Variants in TCF7 observed in about 807,000 individuals in gnomAD.
TCF7 encodes the protein transcription factor 7.
Under a neutral mutation model 46.8 loss-of-function variants are expected in TCF7, and 19 were observed. The observed-to-expected ratio is 0.41, with a 90% CI of 0.28 to 0.60. The LOEUF (loss-of-function observed/expected upper bound fraction) is 0.60. Ranked by LOEUF, TCF7 falls within the 20% of genes least tolerant of loss-of-function variation. TCF7 has a pLI of 0.35. For synonymous variants in TCF7, 245 were observed against 213.4 expected, an observed-to-expected ratio of 1.15 and a Z score of -1.29; for missense variants, 547 against 504.6, an observed-to-expected ratio of 1.08 and a Z score of -0.81.
At chr5:134,134,699 A>G (rs1205693496) in intron 3 of TCF7, among the ~76,000 whole-genome samples, 1 of 152,158 alleles carries the variant, frequency 6.6e-6, no homozygotes, top group African/African-American at 2.4e-5. Flanking sequence ...TCCGTTTTAC[A>G]AGGAGAGAAA....
chr5:134,147,280 A>AGGCTT lies in TCF7; in HGVS notation c.*979_*983dup, dbSNP rs1760820044. On this transcript the variant is annotated 3_prime_UTR_variant, in exon 10 of 10. Coordinates refer to ENST00000342854, the MANE Select transcript of TCF7 (RefSeq NM_003202.5). Reference sequence around the variant, plus strand: ...CACCAGCCTAAGAAGCTCTGGCCCCAGGCTTGTCACTAGCAGCTGCAGTCA... The same window carrying AGGCTT: ...CACCAGCCTAAGAAGCTCTGGCCCCAGGCTTGGCTTGTCACTAGCAGCTGCAGTCA... 1 of 152,274 alleles carries AGGCTT rather than the reference A, an allele frequency of 6.6e-6. No homozygotes were observed. Among genetic ancestry groups the AGGCTT allele is most frequent in the African/African-American group, 2.4e-5 (1 of 41,428 alleles). The allele number at this position is 152,274 out of a possible 1,614,324, so 9.4% of individuals were successfully genotyped here. A position where few individuals can be genotyped will look rare whatever the true frequency, so the allele number is the denominator to read the frequency against.
chr5:134,139,193 G>T, intron 5 of TCF7, 155 bp downstream of exon 5: 1 of 1,229,984 alleles, frequency 8.1e-7, no homozygotes, highest in Non-Finnish European at 1.1e-6. Context: ...TCCTAACCTG[G>T]CTCTGAGCTA....
At chr5:134,118,144 T>C (rs1580795942) in intron 3 of TCF7, among the ~76,000 whole-genome samples, 1 of 152,260 alleles carries the variant, frequency 6.6e-6, no homozygotes, top group African/African-American at 2.4e-5. Flanking sequence ...CCCCACATTT[T>C]AGAAGCATAT....
chr5:134,145,199 G>A (rs1760508333), intron 9 of TCF7: 1 of 587,234 alleles, frequency 1.7e-6, no homozygotes, highest in South Asian at 1.4e-5. Context: ...GGGGCCTGGA[G>A]CCCATTCTAC....
chr5:134,145,620 C>T, intron 9 of TCF7: 2 of 1,012,622 alleles, frequency 2.0e-6, no homozygotes, highest in African/African-American at 1.6e-5. Context: ...TCAGTGTACC[C>T]ACCACACTCC....
chr5:134,108,307 G>T, the TCF7 span, among the ~76,000 whole-genome samples: 1 of 152,212 alleles, frequency 6.6e-6, no homozygotes, highest in Admixed American at 6.5e-5. Context: ...TGGGCAGAAA[G>T]CATTTATTAA....
At position 134,115,997 on chromosome 5, in the gene TCF7, G is replaced by C. The variant is rs760014270; in HGVS notation, c.405G>C (p.Ser135=). Residue 135 remains serine (S), a synonymous_variant, in exon 3 of 10, where the codon TCG becomes TCC. Coordinates refer to ENST00000342854, the MANE Select transcript of TCF7 (RefSeq NM_003202.5). ...FNLLMHYPPP[S]GAGQHPQPQP... ...TGCTCATGCATTACCCACCCCCCTCGGGAGCAGGGCAGCACCCCCAGCCGC... is the reference window on the plus strand; with the variant it reads ...TGCTCATGCATTACCCACCCCCCTCCGGAGCAGGGCAGCACCCCCAGCCGC... 1 of 1,613,426 alleles carries C rather than the reference G, an allele frequency of 6.2e-7. No homozygotes were observed. Among genetic ancestry groups the C allele is most frequent in the African/African-American group, 1.3e-5 (1 of 74,920 alleles).
At chr5:134,144,779 T>C in intron 9 of TCF7, 2 of 1,611,908 alleles carry the variant, frequency 1.2e-6, no homozygotes, top group East Asian at 2.2e-5. Context: ...TCTACCCCTC[T>C]GGCATGGCTG....
chr5:134,116,216 C>T, intron 3 of TCF7, 183 bp downstream of exon 3: 1 of 1,339,568 alleles, frequency 7.5e-7, no homozygotes, highest in African/African-American at 1.5e-5. Context: ...GAAGGAGGGG[C>T]CGCCCTGGGG....
chr5:134,144,715 C>A (rs1760417255), intron 9 of TCF7: 2 of 1,048,974 alleles, frequency 1.9e-6, no homozygotes, highest in South Asian at 1.3e-5. Flanking sequence ...ACTGATGTTA[C>A]CTCTTCTTTC....
chr5:134,142,625 A>T, intron 6 of TCF7, 96 bp from the exon 7 acceptor site: 1 of 1,476,896 alleles, frequency 6.8e-7, no homozygotes, highest in Non-Finnish European at 9.1e-7. Context: ...CTGGTATCAT[A>T]CACTTAGGCA....
intron 9 of TCF7, chr5:134,144,841 C>A (rs1425520114): frequency 6.2e-7 from 1 of 1,614,216 alleles, no homozygotes; most frequent in Admixed American, 1.7e-5. Flanking sequence ...TGGCCTCAAC[C>A]AGCAGACGGA....
rs897109738 is a variant in TCF7 at position 134,114,724 on chromosome 5, G to A, written c.-183G>A. ...TTGATGTTCCGACCCGCCAGCTCGC[G>A]GAGCCGCTCTGCCCCGCGCCCTAGC... On this transcript the variant is annotated 5_prime_UTR_variant, in exon 1 of 10. Coordinates refer to ENST00000342854, the MANE Select transcript of TCF7 (RefSeq NM_003202.5). The A allele has an allele frequency of 2.1e-6, 1 of 469,910 alleles. No homozygotes were observed. The highest frequency in any genetic ancestry group is 2.8e-6 in the Non-Finnish European group (1 of 361,716). 29.1% of individuals were successfully genotyped at this position (469,910 alleles called of 1,614,324 possible). A position where few individuals can be genotyped will look rare whatever the true frequency, so the allele number is the denominator to read the frequency against.
chr5:134,108,703 G>A, the TCF7 span, among the ~76,000 whole-genome samples: 1 of 152,154 alleles, frequency 6.6e-6, no homozygotes, highest in Non-Finnish European at 1.5e-5. Flanking sequence ...TGGAGGAATT[G>A]TCCTAGGTGG....
rs1481833440 is a variant in TCF7, at chr5:134,142,266, C to T, written c.717C>T (p.Pro239=). ...AAIPHPAIVP[P]SGKQELQPFD... ...TCCCCCACCCGGCCATTGTGCCCCCCTCAGGGAAGCAGGAGCTGCAGCCCT... is the reference window on the plus strand; with the variant it reads ...TCCCCCACCCGGCCATTGTGCCCCCTTCAGGGAAGCAGGAGCTGCAGCCCT... The change falls in exon 6 of 10, where the codon CCC becomes CCT. Residue 239 remains proline, a synonymous_variant. Coordinates refer to ENST00000342854, the MANE Select transcript of TCF7 (RefSeq NM_003202.5). 9 of 1,603,050 alleles carry T rather than the reference C, an allele frequency of 5.6e-6. No individual in the cohort carries two copies. In the East Asian group the frequency reaches 1.8e-4, roughly 32 times the overall value.
At chr5:134,138,821 GT>G in intron 4 of TCF7, 129 bp from the exon 5 acceptor site, 1 of 1,405,850 alleles carries the variant, frequency 7.1e-7, no homozygotes, top group South Asian at 1.4e-5. Context: ...GAATAAACTA[GT>G]TTATGTCTGG....
chr5:134,115,792 C>G, intron 2 of TCF7, 117 bp from the exon 3 acceptor site: 1 of 1,544,264 alleles, frequency 6.5e-7, no homozygotes, highest in East Asian at 2.3e-5. Context: ...CCGTTCCTTC[C>G]CAAGTCAGGA....
chr5:134,130,877 C>G (rs1413680116), intron 3 of TCF7, among the ~76,000 whole-genome samples: 3 of 152,180 alleles, frequency 2.0e-5, no homozygotes, highest in Non-Finnish European at 4.4e-5. Flanking sequence ...CTAATACATT[C>G]AATATAAATA....
At chr5:134,135,396 C>CT (rs1758723582) in intron 3 of TCF7, among the ~76,000 whole-genome samples, 1 of 152,108 alleles carries the variant, frequency 6.6e-6, no homozygotes, top group Non-Finnish European at 1.5e-5. Context: ...AAGCATGGGT[C>CT]TAAGGAGGGA....
Sources: allele counts gnomAD v4.1 joint callset (sites outside exome capture counted in the v4.1 genomes callset), GRCh38; gene constraint gnomAD v4.1.1; transcripts MANE v1.5; gene names NCBI Gene and HGNC (gene_info 2026-07-23, HGNC 2026-07-21).